Variants in PGM5 observed in about 807,000 individuals in gnomAD.
The protein encoded by PGM5 is phosphoglucomutase 5, also known as phosphoglucomutase-like protein 5.
PGM5 carries 23 observed loss-of-function variants against 59.2 expected under a neutral mutation model. The ratio of observed to expected loss-of-function variants is 0.39; its 90% CI spans 0.28 to 0.55. The LOEUF (loss-of-function observed/expected upper bound fraction) is 0.55. Among genes scored for constraint, PGM5 ranks in the 20% least tolerant of loss-of-function variants. The pLI, the probability that PGM5 is intolerant of heterozygous loss-of-function variation, is 0.66. For synonymous variants in PGM5, 214 were observed against 286.0 expected (o/e 0.75, Z 2.54); for missense variants, 574 against 748.3 (o/e 0.77, Z 2.72).
chr9:68,446,271 G>T (rs1554684001), intron 6 of PGM5, among the ~76,000 whole-genome samples: 1 of 152,222 alleles, frequency 6.6e-6, no homozygotes, highest in Non-Finnish European at 1.5e-5. Flanking sequence ...AATAATTCAA[G>T]GAGGACATTA....
At chr9:68,428,383 C>T (rs1450400271) in intron 6 of PGM5, among the ~76,000 whole-genome samples, 5 of 152,036 alleles carry the variant, frequency 3.3e-5, no homozygotes, top group South Asian at 4.2e-4. Context: ...TAGAGGTTTG[C>T]GAGGTGTTTA....
intron 10 of PGM5, among the ~76,000 whole-genome samples, chr9:68,510,752 G>T (rs991594630): frequency 6.6e-6 from 1 of 152,106 alleles, no homozygotes; most frequent in East Asian, 1.9e-4. Context: ...GTTACACTTG[G>T]TTTTATACAT....
intron 9 of PGM5, among the ~76,000 whole-genome samples, chr9:68,493,970 T>C (rs1261483295): frequency 6.6e-6 from 1 of 152,210 alleles, no homozygotes; most frequent in South Asian, 2.1e-4. Flanking sequence ...ACTGTCATCA[T>C]TAAAGCTCAC....
chr9:68,398,910 G>C (rs1222364643), intron 6 of PGM5, among the ~76,000 whole-genome samples: 1 of 151,982 alleles, frequency 6.6e-6, no homozygotes, highest in Non-Finnish European at 1.5e-5. Flanking sequence ...CTGATTGAAG[G>C]CTCATTTCTT....
chr9:68,446,261 A>G (rs1823609327), intron 6 of PGM5, among the ~76,000 whole-genome samples: 1 of 152,266 alleles, frequency 6.6e-6, no homozygotes, highest in Non-Finnish European at 1.5e-5. Context: ...TTTAAAAAGT[A>G]ATAATTCAAG....
chr9:68,524,633 C>T (rs1327990358), intron 10 of PGM5, among the ~76,000 whole-genome samples: 1 of 152,174 alleles, frequency 6.6e-6, no homozygotes, highest in Non-Finnish European at 1.5e-5. Flanking sequence ...CACTGTCTGC[C>T]TGGTTTTGGT....
chr9:68,494,569 G>A (rs1554688055), intron 9 of PGM5, among the ~76,000 whole-genome samples: 3 of 152,212 alleles, frequency 2.0e-5, no homozygotes, highest in Non-Finnish European at 2.9e-5. Flanking sequence ...AAATCACAAT[G>A]TTTGGGGTGA....
chr9:68,473,970 A>T (rs1554686455), intron 7 of PGM5, among the ~76,000 whole-genome samples: 1 of 152,078 alleles, frequency 6.6e-6, no homozygotes, highest in East Asian at 1.9e-4. Context: ...AAGCAAAAAG[A>T]GGAAGAGGCC....
At chr9:68,427,211 G>A (rs1340690148) in intron 6 of PGM5, among the ~76,000 whole-genome samples, 1 of 152,194 alleles carries the variant, frequency 6.6e-6, no homozygotes, top group Admixed American at 6.5e-5. Context: ...GTCCAAGAGT[G>A]GAGTTGACCT....
chr9:68,524,558 A>G (rs1166393554), intron 10 of PGM5, among the ~76,000 whole-genome samples: 1 of 152,240 alleles, frequency 6.6e-6, no homozygotes. Flanking sequence ...CTTTATTCAC[A>G]AAGGGTTATT....
intron 10 of PGM5, among the ~76,000 whole-genome samples, chr9:68,522,130 C>A (rs370522566): frequency 6.6e-6 from 1 of 152,112 alleles, no homozygotes; most frequent in South Asian, 2.1e-4. Context: ...TGGTGTGCAC[C>A]TGTAATCCCA....
At chr9:68,485,927 A>G (rs1389637385) in intron 9 of PGM5, among the ~76,000 whole-genome samples, 1 of 152,184 alleles carries the variant, frequency 6.6e-6, no homozygotes, top group Non-Finnish European at 1.5e-5. Context: ...ATTGTTGGCA[A>G]GTTACAGATG....
At chr9:68,367,241 CAG>C (rs1287511108) in intron 1 of PGM5, among the ~76,000 whole-genome samples, 2 of 151,900 alleles carry the variant, frequency 1.3e-5, no homozygotes, top group Non-Finnish European at 2.9e-5. Flanking sequence ...TGAGCTGAGT[CAG>C]TGCCCTGCTT....
At chr9:68,454,056 T>C (rs1823736276) in intron 6 of PGM5, among the ~76,000 whole-genome samples, 1 of 152,192 alleles carries the variant, frequency 6.6e-6, no homozygotes, top group African/African-American at 2.4e-5. Context: ...ATAGGGACTA[T>C]CAAGAGATCC....
intron 1 of PGM5, among the ~76,000 whole-genome samples, chr9:68,366,473 T>A (rs531987602): frequency 1.3e-5 from 2 of 152,210 alleles, no homozygotes; most frequent in Admixed American, 1.3e-4. Context: ...CTGTATATAA[T>A]GTAGGCATAG....
At chr9:68,492,525 A>G (rs1812821241) in intron 9 of PGM5, among the ~76,000 whole-genome samples, 1 of 152,228 alleles carries the variant, frequency 6.6e-6, no homozygotes, top group Non-Finnish European at 1.5e-5. Context: ...AACTGCTCCC[A>G]AGAGCAGGGC....
intron 1 of PGM5, among the ~76,000 whole-genome samples, chr9:68,361,816 G>C (rs1834585295): frequency 6.6e-6 from 1 of 151,986 alleles, no homozygotes; most frequent in African/African-American, 2.4e-5. Context: ...GGTTTAGTTA[G>C]ATTCAGGTTC....
rs1366788114 is a variant in PGM5, at chr9:68,356,617, C to CCAGGGAGA, written c.-501_-494dup. ...ACTGGTGTGTGTAGGCTGCGCACTC[C>CCAGGGAGA]CAGGGAGACAGGGAGACGGGCCGGG... On this transcript the variant is annotated 5_prime_UTR_variant, in exon 1 of 11. Transcript: ENST00000396396. 2.7e-4 allele frequency among the ~76,000 whole-genome samples: 41 copies of CCAGGGAGA among 152,300 alleles called. No homozygotes were observed. The highest frequency in any genetic ancestry group is 5.7e-4 in the Non-Finnish European group (39 of 68,050).
chr9:68,502,881 G>A (rs879996870), intron 10 of PGM5, among the ~76,000 whole-genome samples: 2 of 152,094 alleles, frequency 1.3e-5, no homozygotes, highest in Non-Finnish European at 2.9e-5. Flanking sequence ...TAAGGACAGG[G>A]TTTTACCATG....
Sources: gnomAD v4.1 joint callset for allele counts (sites outside exome capture counted in the v4.1 genomes callset) on GRCh38, gnomAD v4.1.1 for gene constraint, MANE v1.5 for transcripts, NCBI Gene and HGNC (gene_info 2026-07-23, HGNC 2026-07-21) for gene names.